Variants in PCDHA7 observed in about 807,000 individuals in gnomAD.
The protein encoded by PCDHA7 is protocadherin alpha-7.
Under a neutral mutation model 57.2 loss-of-function variants are expected in PCDHA7, and 37 were observed. That is an observed-to-expected ratio of 0.65 (90% confidence interval 0.50 to 0.85). PCDHA7 has a LOEUF of 0.85. Among genes scored for constraint, PCDHA7 ranks in the 40% least tolerant of loss-of-function variants. The probability of loss-of-function intolerance (pLI) is 0.00; values close to 1 mark genes in which losing one functional copy is unlikely to be tolerated. For missense variants in PCDHA7, 1,188 were observed against 1,241.8 expected (o/e 0.96, Z 0.65); for synonymous variants, 553 against 558.8 (o/e 0.99, Z 0.15).
At position 140,836,378 on chromosome 5, in the gene PCDHA7, G is replaced by A; in HGVS notation, c.1995G>A (p.Val665=). 2 of 1,613,750 alleles carry A rather than the reference G, an allele frequency of 1.2e-6. No homozygotes were observed. Among genetic ancestry groups the A allele is most frequent in the Non-Finnish European group, 1.7e-6 (2 of 1,179,854 alleles). ...GEPSLTATAT[V]LVSLVESGQA... is the part of the protein sequence containing the mutation. ...CCTCGCTGACAGCCACAGCCACCGT[G>A]CTGGTGTCGCTGGTGGAAAGCGGCC... Residue 665 remains valine, a synonymous_variant, in exon 1 of 4, where the codon GTG becomes GTA. Transcript: ENST00000525929.
At chr5:140,992,282 TG>T (rs1554252798) in intron 3 of PCDHA7, among the ~76,000 whole-genome samples, 1 of 152,178 alleles carries the variant, frequency 6.6e-6, no homozygotes, top group African/African-American at 2.4e-5. Context: ...AGCACATCCC[TG>T]CAAAGGATGG....
At chr5:140,881,361 C>T (rs990387338) in intron 1 of PCDHA7, 4 of 985,122 alleles carry the variant, frequency 4.1e-6, no homozygotes, top group Non-Finnish European at 2.4e-6. Context: ...GCGTGGCTTT[C>T]GTATGAATTG....
At chr5:140,849,965 G>C (rs2150460683) in intron 1 of PCDHA7, 1 of 1,597,882 alleles carries the variant, frequency 6.3e-7, no homozygotes, top group East Asian at 2.2e-5. Context: ...ACGCCCTGGT[G>C]TCCTACTCGC....
At chr5:140,902,551 C>G (rs1022882687) in intron 1 of PCDHA7, among the ~76,000 whole-genome samples, 1 of 151,956 alleles carries the variant, frequency 6.6e-6, no homozygotes, top group African/African-American at 2.4e-5. Context: ...CTTCTATACC[C>G]AGATTTTTGA....
At chr5:140,851,474 T>C in intron 1 of PCDHA7, 9 of 889,824 alleles carry the variant, frequency 1.0e-5, no homozygotes, top group Non-Finnish European at 1.2e-5. Context: ...TCAATAAATG[T>C]TATAAACACA....
intron 1 of PCDHA7, among the ~76,000 whole-genome samples, chr5:140,903,212 A>C (rs1387552422): frequency 6.6e-6 from 1 of 152,192 alleles, no homozygotes; most frequent in African/African-American, 2.4e-5. Flanking sequence ...CACCACATTC[A>C]TGCCAACATC....
In PCDHA7 at chr5:141,011,945, A is replaced by G. The variant is rs1588262929; in HGVS notation, c.*2008A>G. On this transcript the variant is annotated 3_prime_UTR_variant, in exon 4 of 4. Transcript: ENST00000525929. ...AGGTAGGAGTCTGTTATTTAAAAAAAGCATTAAATTTAAAAAAAAACTGTC... is the reference window on the plus strand; with the variant it reads ...AGGTAGGAGTCTGTTATTTAAAAAAGGCATTAAATTTAAAAAAAAACTGTC... 6.5e-6 allele frequency: 1 copy of G among 153,752 alleles called. No individual in the cohort carries two copies. The highest frequency in any genetic ancestry group is 1.5e-5 in the Non-Finnish European group (1 of 68,044). The allele number at this position is 153,752 out of a possible 1,614,324, so 9.5% of individuals were successfully genotyped here. A position where few individuals can be genotyped will look rare whatever the true frequency, so the allele number is the denominator to read the frequency against.
intron 1 of PCDHA7, chr5:140,968,409 C>G: frequency 3.7e-6 from 6 of 1,614,024 alleles, no homozygotes; most frequent in South Asian, 1.1e-5. Context: ...TTCTTTGTGA[C>G]TGTGGAGGCT....
At chr5:140,858,305 C>G (rs782690239) in intron 1 of PCDHA7, 1 of 1,597,172 alleles carries the variant, frequency 6.3e-7, no homozygotes, top group South Asian at 1.1e-5. Flanking sequence ...GCAGCAGAGG[C>G]GGCAGAGGGT....
At position 140,875,445 on chromosome 5, in the gene PCDHA7, C is replaced by G; in HGVS notation, c.2355+38707C>G. The G allele has an allele frequency of 2.5e-6, 4 of 1,582,278 alleles. No individual in the cohort carries two copies. The South Asian group carries it at 3.5e-5, about 14-fold the overall frequency. On this transcript the variant is annotated intron_variant, in intron 1 of 3. Transcript: ENST00000525929. Reference sequence around the variant, plus strand: ...CAAGCGATCCCTTAAAACTGATTGTCCCAACTCAGAGGCCCTCATTTTCTG... The same window carrying G: ...CAAGCGATCCCTTAAAACTGATTGTGCCAACTCAGAGGCCCTCATTTTCTG...
Position 141,010,239 on chromosome 5 carries a change from G to A in PCDHA7, c.*302G>A. ...AGGCTTCCCAGCCCCGCCAGTGAGA[G>A]GTTGGACTCTCTGCCCTGTGCTCCG... On this transcript the variant is annotated 3_prime_UTR_variant, in exon 4 of 4. Transcript: ENST00000525929. 1 of 1,551,938 alleles carries A rather than the reference G, an allele frequency of 6.4e-7. No homozygotes were observed. Among genetic ancestry groups the A allele is most frequent in the Non-Finnish European group, 8.7e-7 (1 of 1,147,044 alleles).
At chr5:140,913,028 T>C (rs1483903035) in intron 1 of PCDHA7, among the ~76,000 whole-genome samples, 1 of 152,232 alleles carries the variant, frequency 6.6e-6, no homozygotes, top group Non-Finnish European at 1.5e-5. Flanking sequence ...TCAATATTCA[T>C]CAGATATATT....
At chr5:140,915,626 GTCTCTCTCTCTCTC>G in intron 1 of PCDHA7, among the ~76,000 whole-genome samples, 1 of 146,536 alleles carries the variant, frequency 6.8e-6, no homozygotes, top group Non-Finnish European at 1.5e-5. Flanking sequence ...GTCTCTTTCT[GTCTCTCTCTCTCTC>G]TCTCTCTCTC....
Position 140,928,600 on chromosome 5 carries a change from G to C in PCDHA7, c.2356-50349G>C, listed in dbSNP as rs144698541. ...AAATGGTTCTGTCCCAGTGGAAATT[G>C]TGCCCCGCTCTGCCAGGACTGGACA... On this transcript the variant is annotated intron_variant, in intron 1 of 3. Coordinates refer to ENST00000525929, the MANE Select transcript of PCDHA7 (RefSeq NM_018910.3). 3.1e-6 allele frequency: 5 copies of C among 1,614,090 alleles called. No homozygotes were observed. In the African/African-American group the frequency reaches 6.7e-5, roughly 22 times the overall value.
intron 1 of PCDHA7, among the ~76,000 whole-genome samples, chr5:140,962,388 C>T (rs782676502): frequency 5.9e-5 from 9 of 152,254 alleles, no homozygotes; most frequent in South Asian, 4.1e-4. Flanking sequence ...GTTAATATTA[C>T]GCAATCTGCC....
chr5:140,877,657 G>T (rs1554169952), intron 1 of PCDHA7: 2 of 1,613,570 alleles, frequency 1.2e-6, no homozygotes, highest in East Asian at 2.2e-5. Context: ...GCCGCCCACC[G>T]TGAGCCGGTG....
intron 1 of PCDHA7, among the ~76,000 whole-genome samples, chr5:140,840,393 T>C (rs1266640597): frequency 6.6e-6 from 1 of 151,926 alleles, no homozygotes; most frequent in African/African-American, 2.4e-5. Flanking sequence ...GTTGCAGATA[T>C]GGAGTTAAGA....
intron 1 of PCDHA7, chr5:140,859,181 G>A (rs1006816858): frequency 6.7e-6 from 1 of 149,700 alleles, no homozygotes; most frequent in Admixed American, 6.7e-5. Context: ...ATCAGCATTA[G>A]GCATTGCTTA....
At chr5:140,890,223 G>C (rs1218987173) in intron 1 of PCDHA7, among the ~76,000 whole-genome samples, 3 of 152,108 alleles carry the variant, frequency 2.0e-5, no homozygotes, top group Non-Finnish European at 4.4e-5. Context: ...CAGAGACCTA[G>C]TTGTTAAGCA....
Sources: allele counts gnomAD v4.1 joint callset (sites outside exome capture counted in the v4.1 genomes callset), GRCh38; gene constraint gnomAD v4.1.1; transcripts MANE v1.5; gene names NCBI Gene and HGNC (gene_info 2026-07-23, HGNC 2026-07-21).